Variants in DOCK3 observed in about 807,000 individuals in gnomAD.
DOCK3 encodes the protein dedicator of cytokinesis 3, also known as dedicator of cytokinesis protein 3.
In DOCK3, 60 loss-of-function variants were observed where a neutral mutation model predicts 265.6. The observed-to-expected ratio is 0.23, with a 90% CI of 0.18 to 0.28. The LOEUF is 0.28. DOCK3 is among the 10% of genes least tolerant of loss of function. DOCK3 has a pLI of 1.00. For synonymous variants in DOCK3, 881 were observed against 938.0 expected (o/e 0.94, Z 1.11); for missense variants, 1,981 against 2,594.3 (o/e 0.76, Z 5.14).
At chr3:51,356,684 C>T (rs1341342531) in intron 43 of DOCK3, among the ~76,000 whole-genome samples, 191 bp downstream of exon 43, 1 of 152,168 alleles carries the variant, frequency 6.6e-6, no homozygotes, top group Non-Finnish European at 1.5e-5. Flanking sequence ...CCCTGAGCAG[C>T]AGGTATTTTC....
intron 12 of DOCK3, among the ~76,000 whole-genome samples, chr3:51,161,173 G>A (rs532945658): frequency 1.3e-4 from 20 of 149,856 alleles, no homozygotes; most frequent in South Asian, 4.2e-4. Flanking sequence ...GGCCGGGCAC[G>A]GTGGCTCACG....
intron 1 of DOCK3, among the ~76,000 whole-genome samples, chr3:50,689,482 A>C (rs749908903): frequency 1.3e-5 from 2 of 152,088 alleles, no homozygotes; most frequent in African/African-American, 2.4e-5. Context: ...TCTTGTGAGA[A>C]CTCACCATCA....
intron 12 of DOCK3, among the ~76,000 whole-genome samples, chr3:51,180,280 T>C (rs183337243): frequency 7.3e-5 from 11 of 150,514 alleles, no homozygotes; most frequent in Non-Finnish European, 1.3e-4. Context: ...GAATTTGAGA[T>C]CATGGTTTAG....
rs1299124941 is a variant in DOCK3, at chr3:51,381,664, T to C, written c.*105T>C. Reference sequence around the variant, plus strand: ...CCCCACCCCAGGGAGCCAGAGAGGCTTGCACTCAGGAGAGAACCACCCCCA... The same window carrying C: ...CCCCACCCCAGGGAGCCAGAGAGGCCTGCACTCAGGAGAGAACCACCCCCA... On this transcript the variant is annotated 3_prime_UTR_variant, in exon 53 of 53. Transcript: ENST00000266037. This position sits in a 1 kb window ranked among gnomAD's most constrained non-coding sequence, Gnocchi z 5.6. The C allele has an allele frequency of 2.1e-6, 3 of 1,412,894 alleles. No homozygotes were observed. In the Admixed American group the frequency reaches 8.6e-5, roughly 41 times the overall value. The allele number at this position is 1,412,894 out of a possible 1,614,324, so 87.5% of individuals were successfully genotyped here.
chr3:51,299,770 A>G (rs188574419), intron 27 of DOCK3, among the ~76,000 whole-genome samples: 2 of 152,176 alleles, frequency 1.3e-5, no homozygotes, highest in East Asian at 1.9e-4. Context: ...TCATTGGTCT[A>G]TGTGTTTGTT....
intron 3 of DOCK3, among the ~76,000 whole-genome samples, chr3:50,851,927 G>A (rs2046373819): frequency 6.6e-6 from 1 of 152,206 alleles, no homozygotes; most frequent in African/African-American, 2.4e-5. Flanking sequence ...CTGCTCTTGG[G>A]CCTGGGCCTG....
At chr3:51,077,320 A>G (rs1463094772) in intron 7 of DOCK3, among the ~76,000 whole-genome samples, 2 of 152,150 alleles carry the variant, frequency 1.3e-5, no homozygotes, top group Non-Finnish European at 2.9e-5. Flanking sequence ...TGTGACAGTA[A>G]GCTTGTGAAG....
At chr3:50,771,816 A>C (rs1230491063) in intron 1 of DOCK3, among the ~76,000 whole-genome samples, 2 of 152,182 alleles carry the variant, frequency 1.3e-5, no homozygotes, top group Non-Finnish European at 2.9e-5. Flanking sequence ...GCGCCACTGC[A>C]CTCCAGCCTG....
chr3:50,874,770 T>C (rs1373698511), intron 3 of DOCK3, among the ~76,000 whole-genome samples: 1 of 152,198 alleles, frequency 6.6e-6, no homozygotes, highest in East Asian at 1.9e-4. Context: ...ATGCTACTGA[T>C]TTTTGTATGT....
chr3:50,862,404 G>A (rs1005111265), intron 3 of DOCK3, among the ~76,000 whole-genome samples: 1 of 152,234 alleles, frequency 6.6e-6, no homozygotes, highest in African/African-American at 2.4e-5. Flanking sequence ...AAATCCAGAA[G>A]GTGGTGCTTA....
At chr3:50,716,883 A>C (rs1272521713) in intron 1 of DOCK3, among the ~76,000 whole-genome samples, 1 of 152,038 alleles carries the variant, frequency 6.6e-6, no homozygotes, top group Non-Finnish European at 1.5e-5. Context: ...TCAGTTCTCT[A>C]CTTTTTCCAC....
chr3:50,982,501 C>T (rs1025170434), intron 5 of DOCK3, among the ~76,000 whole-genome samples: 1 of 152,014 alleles, frequency 6.6e-6, no homozygotes, highest in Admixed American at 6.6e-5. Flanking sequence ...GGTGGTGGGA[C>T]CCCTGTGCCT....
At chr3:51,251,527 C>T (rs1393960069) in intron 22 of DOCK3, among the ~76,000 whole-genome samples, 1 of 152,214 alleles carries the variant, frequency 6.6e-6, no homozygotes, top group Non-Finnish European at 1.5e-5. Context: ...TCCTCTCCAG[C>T]ACCTGTTGTT....
intron 21 of DOCK3, among the ~76,000 whole-genome samples, chr3:51,244,961 A>G (rs891519166): frequency 6.6e-6 from 1 of 152,252 alleles, no homozygotes; most frequent in Non-Finnish European, 1.5e-5. Context: ...AAAATGTCAA[A>G]GAATATAAAA....
chr3:51,338,871 C>A, intron 36 of DOCK3, 64 bp from the exon 37 acceptor site: 1 of 1,402,862 alleles, frequency 7.1e-7, no homozygotes, highest in Non-Finnish European at 9.9e-7. Context: ...CTATGGCCAG[C>A]TGCCCAGAGC....
At chr3:51,357,727 A>C in intron 44 of DOCK3, 31 bp from the exon 45 acceptor site, 3 of 1,611,678 alleles carry the variant, frequency 1.9e-6, no homozygotes, top group Non-Finnish European at 2.5e-6. Context: ...TCCTGGGAAG[A>C]GTCTTCCTGA....
intron 49 of DOCK3, among the ~76,000 whole-genome samples, chr3:51,363,553 T>G (rs1226432369): frequency 1.3e-5 from 2 of 152,252 alleles, no homozygotes; most frequent in Non-Finnish European, 2.9e-5. Flanking sequence ...TTTGTTACTA[T>G]GTATACATGT....
chr3:51,144,228 T>C (rs2085194124), intron 9 of DOCK3, among the ~76,000 whole-genome samples: 2 of 152,202 alleles, frequency 1.3e-5, no homozygotes, highest in Non-Finnish European at 2.9e-5. Flanking sequence ...CACTTCCACC[T>C]CTTCACAACC....
At chr3:51,295,765 G>T (rs1322416563) in intron 27 of DOCK3, among the ~76,000 whole-genome samples, 4 of 151,930 alleles carry the variant, frequency 2.6e-5, no homozygotes, top group African/African-American at 9.7e-5. Flanking sequence ...AGTCTAGCTG[G>T]GGCAATAAGG....
Sources: allele counts gnomAD v4.1 joint callset (sites outside exome capture counted in the v4.1 genomes callset), GRCh38; gene constraint gnomAD v4.1.1; non-coding constraint Gnocchi (gnomAD v3.1); transcripts MANE v1.5; gene names NCBI Gene and HGNC (gene_info 2026-07-23, HGNC 2026-07-21).